PCDHGB2: variants seen among roughly 807,000 people sequenced by gnomAD.
The protein encoded by PCDHGB2 is protocadherin gamma subfamily B, 2.
PCDHGB2 carries 55 observed loss-of-function variants against 59.3 expected under a neutral mutation model. The observed-to-expected ratio is 0.93, with a 90% CI of 0.75 to 1.16. The LOEUF is 1.16. Among genes scored for constraint, PCDHGB2 ranks in the 50% most tolerant of loss-of-function variants. PCDHGB2 has a pLI of 0.00. For synonymous variants in PCDHGB2, 516 were observed against 512.0 expected (o/e 1.01, Z -0.11); for missense variants, 1,228 against 1,198.5 (o/e 1.02, Z -0.36).
chr5:141,415,007 G>C, intron 1 of PCDHGB2: 1 of 1,613,654 alleles, frequency 6.2e-7, no homozygotes, highest in Non-Finnish European at 8.5e-7. Context: ...CTGTCCTACC[G>C]TCTGCTCAAG....
intron 2 of PCDHGB2, among the ~76,000 whole-genome samples, chr5:141,499,352 CA>C (rs2099791418): frequency 6.6e-6 from 1 of 152,058 alleles, no homozygotes; most frequent in South Asian, 2.1e-4. Context: ...AGTCATTCAA[CA>C]AACAAATAGC....
At position 141,362,803 on chromosome 5, in the gene PCDHGB2, A is replaced by G. The variant is rs148727944; in HGVS notation, c.2421+247A>G. On this transcript the variant is annotated intron_variant, in intron 1 of 3. Transcript: ENST00000522605. ...ATTTCTTTTTCTTCCTCATCTTTACATTACTTCTCTCTGCAGATTTGTTGC... is the reference window on the plus strand; with the variant it reads ...ATTTCTTTTTCTTCCTCATCTTTACGTTACTTCTCTCTGCAGATTTGTTGC... 1.0e-3 allele frequency among the ~76,000 whole-genome samples: 152 copies of G among 152,282 alleles called. 1 individual carries two copies. The highest frequency in any genetic ancestry group is 3.3e-3 in the African/African-American group (137 of 41,538).
At chr5:141,451,557 G>T (rs192150041) in intron 1 of PCDHGB2, among the ~76,000 whole-genome samples, 2 of 152,234 alleles carry the variant, frequency 1.3e-5, no homozygotes, top group East Asian at 3.9e-4. Context: ...TGTGATGAAA[G>T]CCACAATCTT....
intron 1 of PCDHGB2, among the ~76,000 whole-genome samples, chr5:141,433,397 A>ATCTATCTG (rs1554126017): frequency 5.3e-5 from 8 of 150,410 alleles, no homozygotes; most frequent in Non-Finnish European, 1.2e-4. Context: ...CTATCTATCT[A>ATCTATCTG]TCTATCTATT....
chr5:141,498,265 T>G (rs2099782779), intron 2 of PCDHGB2, among the ~76,000 whole-genome samples: 2 of 152,010 alleles, frequency 1.3e-5, no homozygotes, highest in Non-Finnish European at 2.9e-5. Context: ...TGTTGAGTTC[T>G]TCAGTAAACT....
chr5:141,456,122 C>A (rs1411002229), intron 1 of PCDHGB2, among the ~76,000 whole-genome samples: 1 of 152,176 alleles, frequency 6.6e-6, no homozygotes, highest in East Asian at 1.9e-4. Context: ...TGGTCTCCAT[C>A]TCCTGACCTC....
intron 1 of PCDHGB2, chr5:141,394,218 G>C: frequency 6.2e-7 from 1 of 1,613,918 alleles, no homozygotes; most frequent in Non-Finnish European, 8.5e-7. Context: ...CCTGAGAGGA[G>C]CCTCCATCTT....
chr5:141,404,759 T>C, intron 1 of PCDHGB2: 2 of 1,613,632 alleles, frequency 1.2e-6, no homozygotes, highest in Non-Finnish European at 1.7e-6. Flanking sequence ...CCAGAATGCT[T>C]GGCTCTCCTA....
intron 1 of PCDHGB2, chr5:141,399,725 A>G (rs2093873556): frequency 6.2e-7 from 1 of 1,613,192 alleles, no homozygotes; most frequent in Admixed American, 1.7e-5. Flanking sequence ...GCCCGCGACC[A>G]GGGCTCGCCT....
intron 1 of PCDHGB2, chr5:141,389,075 A>T: frequency 6.2e-7 from 1 of 1,614,066 alleles, no homozygotes; most frequent in Non-Finnish European, 8.5e-7. Context: ...CTTCTTCAAG[A>T]AACACGTATA....
In PCDHGB2 at chr5:141,384,530, G is replaced by T. The variant is rs772652132; in HGVS notation, c.2421+21974G>T. The T allele has an allele frequency of 1.7e-5, 28 of 1,614,238 alleles. No individual in the cohort carries two copies. In the South Asian group the frequency reaches 2.6e-4, roughly 15 times the overall value. On this transcript the variant is annotated intron_variant, in intron 1 of 3. Coordinates refer to ENST00000522605, the MANE Select transcript of PCDHGB2 (RefSeq NM_018923.3). ...GACAGCGGGGACCCGCCTCTCAGCA[G>T]CAACATGTCACTGAGCCTGTTCGTG...
rs532971055 is a variant in PCDHGB2, at chr5:141,360,700, C to A, written c.565C>A (p.Arg189Ser). ...DLAEKQTPDG[R>S]KYPELILKHS... ...CGCTGAGAAACAGACTCCAGATGGT[C>A]GTAAATATCCTGAGTTGATTCTAAA... The change falls in exon 1 of 4, where the codon CGT (arginine) becomes AGT (serine). Residue 189 changes from arginine to serine, a missense_variant. Physicochemically the swap from Arg to Ser is moderately radical, Grantham distance 110. Transcript: ENST00000522605. 1 of 1,613,796 alleles carries A rather than the reference C, an allele frequency of 6.2e-7. No individual in the cohort carries two copies. Among genetic ancestry groups the A allele is most frequent in the South Asian group, 1.1e-5 (1 of 91,064 alleles).
chr5:141,366,765 T>C (rs373961637), intron 1 of PCDHGB2: 83 of 1,604,590 alleles, frequency 5.2e-5, no homozygotes, highest in Non-Finnish European at 6.9e-5. Flanking sequence ...AGTTTTCTCT[T>C]TCGGTAAGGA....
intron 1 of PCDHGB2, chr5:141,411,324 C>T (rs1171274674): frequency 1.3e-5 from 2 of 152,166 alleles, no homozygotes; most frequent in Admixed American, 6.5e-5. Context: ...AATCACAGCA[C>T]TTTGATAGGC....
intron 1 of PCDHGB2, chr5:141,422,833 C>G (rs2096676817): frequency 6.2e-7 from 1 of 1,614,106 alleles, no homozygotes; most frequent in African/African-American, 1.3e-5. Flanking sequence ...AGTGATAGCA[C>G]GTGACAGCGG....
rs540188136 is a variant in PCDHGB2 at position 141,375,695 on chromosome 5, G to T, written c.2421+13139G>T. Reference sequence around the variant, plus strand: ...GCTGTGGGTGACAGCCAGCGACAGCGGGGACCCGCCTCTTAGCAGCAACGT... The same window carrying T: ...GCTGTGGGTGACAGCCAGCGACAGCTGGGACCCGCCTCTTAGCAGCAACGT... On this transcript the variant is annotated intron_variant, in intron 1 of 3. Coordinates refer to ENST00000522605, the MANE Select transcript of PCDHGB2 (RefSeq NM_018923.3). 1.5e-5 allele frequency: 25 copies of T among 1,614,250 alleles called. No individual in the cohort carries two copies. In the African/African-American group the frequency reaches 2.9e-4, roughly 19 times the overall value.
Position 141,385,136 on chromosome 5 carries a change from T to C in PCDHGB2, c.2421+22580T>C, listed in dbSNP as rs760226388. The C allele has an allele frequency of 1.2e-6, 2 of 1,614,180 alleles. No individual in the cohort carries two copies. Among genetic ancestry groups the C allele is most frequent in the Middle Eastern group, 1.6e-4 (1 of 6,062 alleles). ...TCGCACTTTGTGGGCATGGACGGGG[T>C]GCAGGCTTTCCTGCAGACCTATTCC... On this transcript the variant is annotated intron_variant, in intron 1 of 3. Transcript: ENST00000522605.
At chr5:141,435,306 T>C (rs2154556603) in intron 1 of PCDHGB2, among the ~76,000 whole-genome samples, 1 of 152,358 alleles carries the variant, frequency 6.6e-6, no homozygotes, top group East Asian at 1.9e-4. Flanking sequence ...TGGTTTTAAA[T>C]CATTCATGAA....
At position 141,384,585 on chromosome 5, in the gene PCDHGB2, C is replaced by T. The variant is rs545796754; in HGVS notation, c.2421+22029C>T. 4.3e-6 allele frequency: 7 copies of T among 1,614,246 alleles called. No individual in the cohort carries two copies. In the African/African-American group the frequency reaches 6.7e-5, roughly 15 times the overall value. ...ACCAGAATGACAACCCGCCCGAGAT[C>T]CTGTACCCGGCCCTCCCCACAGATG... On this transcript the variant is annotated intron_variant, in intron 1 of 3. Coordinates refer to ENST00000522605, the MANE Select transcript of PCDHGB2 (RefSeq NM_018923.3).
Sources: gnomAD v4.1 joint callset for allele counts (sites outside exome capture counted in the v4.1 genomes callset) on GRCh38, gnomAD v4.1.1 for gene constraint, MANE v1.5 for transcripts, NCBI Gene and HGNC (gene_info 2026-07-23, HGNC 2026-07-21) for gene names.